Variants in ARPP19 observed in about 807,000 individuals in gnomAD.
The protein encoded by ARPP19 is cAMP regulated phosphoprotein 19.
A neutral mutation model predicts 12.0 loss-of-function variants in ARPP19; 8 were observed. The observed-to-expected ratio is 0.67, with a 90% confidence interval of 0.39 to 1.21. ARPP19 has a LOEUF of 1.21. Among genes scored for constraint, ARPP19 ranks in the 50% most tolerant of loss-of-function variants. The probability of loss-of-function intolerance (pLI) is 0.01; values close to 1 mark genes in which losing one functional copy is unlikely to be tolerated. For synonymous variants in ARPP19, 47 were observed against 50.4 expected, an observed-to-expected ratio of 0.93 and a Z score of 0.29; for missense variants, 102 against 136.3, an observed-to-expected ratio of 0.75 and a Z score of 1.25.
At chr15:52,555,532 T>C (rs1202405274) in intron 2 of ARPP19, among the ~76,000 whole-genome samples, 2 of 152,046 alleles carry the variant, frequency 1.3e-5, no homozygotes, top group African/African-American at 4.8e-5. Context: ...TATTTAATCA[T>C]TTCTCTGCTG....
chr15:52,560,820 AG>A (rs2078025372), intron 1 of ARPP19, among the ~76,000 whole-genome samples: 1 of 152,260 alleles, frequency 6.6e-6, no homozygotes, highest in Admixed American at 6.5e-5. Flanking sequence ...AACAGCAGAC[AG>A]CAGTCGCCCC....
At chr15:52,567,011 T>G (rs1044111474) in intron 1 of ARPP19, among the ~76,000 whole-genome samples, 1 of 152,202 alleles carries the variant, frequency 6.6e-6, no homozygotes, top group Non-Finnish European at 1.5e-5. Context: ...GGAAGGTCAA[T>G]TGGGTACACA....
At position 52,568,974 on chromosome 15, in the gene ARPP19, C is replaced by A. The variant is rs2078115621; in HGVS notation, c.-82G>T. On this transcript the variant is annotated 5_prime_UTR_variant, in exon 1 of 3. Coordinates refer to ENST00000249822, the MANE Select transcript of ARPP19 (RefSeq NM_006628.6). ...GCCACCCGGCCGCCGCCCGTCCCAG[C>A]TCTCCCAGGGCCCGCCGGGCCGCCT... The A allele has an allele frequency of 2.8e-6, 3 of 1,072,816 alleles. No homozygotes were observed. The highest frequency in any genetic ancestry group is 5.6e-5 in the Admixed American group (2 of 35,748). 66.5% of individuals were successfully genotyped at this position (1,072,816 alleles called of 1,614,324 possible).
intron 1 of ARPP19, among the ~76,000 whole-genome samples, chr15:52,566,308 G>GCCA (rs2078081603): frequency 6.6e-6 from 1 of 151,922 alleles, no homozygotes; most frequent in South Asian, 2.1e-4. Context: ...ATAGGTGTGG[G>GCCA]CCACCATGCC....
Position 52,552,102 on chromosome 15 carries a change from T to C in ARPP19, c.171A>G (p.Gln57=). Residue 57 remains glutamine, a splice_region_variant and synonymous_variant, in exon 3 of 3, where the codon CAA becomes CAG. Coordinates refer to ENST00000249822, the MANE Select transcript of ARPP19 (RefSeq NM_006628.6). The part of the protein sequence containing the change: ...DFLRKRLQKG[Q]KYFDSGDYNM... ...TGTAATCCCCAGAATCAAAATATTT[T>C]TGCTATAAGTAAAAACAAAAAAAAT... is the stretch of plus-strand genomic sequence containing the variant. 1 of 1,609,382 alleles carries C rather than the reference T, an allele frequency of 6.2e-7. No individual in the cohort carries two copies. The highest frequency in any genetic ancestry group is 8.5e-7 in the Non-Finnish European group (1 of 1,175,988).
intron 1 of ARPP19, among the ~76,000 whole-genome samples, chr15:52,560,040 C>T (rs1005809384): frequency 7.9e-5 from 12 of 152,156 alleles, no homozygotes; most frequent in East Asian, 5.8e-4. Context: ...AATAGTTCCC[C>T]GAATTCCTTA....
At position 52,568,926 on chromosome 15, in the gene ARPP19, G is replaced by C. The variant is rs1216879875; in HGVS notation, c.-34C>G. ...CTCTGCAGACGAGACGCCGGGAAAA[G>C]ATGCAATTAGCGGGTGGCCGAGGCC... On this transcript the variant is annotated 5_prime_UTR_variant, in exon 1 of 3. It adds an upstream start codon to the 5' untranslated region. Coordinates refer to ENST00000249822, the MANE Select transcript of ARPP19 (RefSeq NM_006628.6). The C allele has an allele frequency of 7.4e-7, 1 of 1,342,484 alleles. No homozygotes were observed. Among genetic ancestry groups the C allele is most frequent in the Non-Finnish European group, 1.0e-6 (1 of 984,046 alleles). The allele number at this position is 1,342,484 out of a possible 1,614,324, so 83.2% of individuals were successfully genotyped here. A position where few individuals can be genotyped will look rare whatever the true frequency, so the allele number is the denominator to read the frequency against.
chr15:52,564,117 C>A, intron 1 of ARPP19: 1 of 1,071,120 alleles, frequency 9.3e-7, no homozygotes, highest in Non-Finnish European at 1.4e-6. Flanking sequence ...AAAGAAGCAA[C>A]CCTAACAAAC....
intron 1 of ARPP19, among the ~76,000 whole-genome samples, chr15:52,562,992 C>T (rs1398476106): frequency 6.6e-6 from 1 of 150,936 alleles, no homozygotes; most frequent in Non-Finnish European, 1.5e-5. Context: ...TCTCCTGCCT[C>T]AGCCTCCCGA....
At chr15:52,552,278 C>T (rs1455372267) in intron 2 of ARPP19, among the ~76,000 whole-genome samples, 174 bp from the exon 3 acceptor site, 6 of 151,934 alleles carry the variant, frequency 3.9e-5, no homozygotes, top group African/African-American at 9.7e-5. Context: ...AGCCGAGAAG[C>T]CCCCCTTCAG....
At chr15:52,564,349 C>T (rs2078062259) in intron 1 of ARPP19, 6 of 779,012 alleles carry the variant, frequency 7.7e-6, no homozygotes, top group East Asian at 2.7e-5. Context: ...GAGTTCAAGG[C>T]GGCAATATGC....
chr15:52,563,087 G>A (rs1200615609), intron 1 of ARPP19, among the ~76,000 whole-genome samples: 9 of 151,884 alleles, frequency 5.9e-5, no homozygotes, highest in African/African-American at 2.2e-4. Context: ...TCTTGCCCAC[G>A]CTGGTCTTGA....
intron 2 of ARPP19, among the ~76,000 whole-genome samples, chr15:52,552,517 G>A (rs1467501879): frequency 6.6e-6 from 1 of 150,542 alleles, no homozygotes; most frequent in Non-Finnish European, 1.5e-5. Context: ...GAACCTGGGA[G>A]GTGGAGGCTG....
rs933295397 is a variant in ARPP19, at chr15:52,549,468, G to C, written c.*2466C>G. On this transcript the variant is annotated 3_prime_UTR_variant, in exon 3 of 3. Coordinates refer to ENST00000249822, the MANE Select transcript of ARPP19 (RefSeq NM_006628.6). Reference sequence around the variant, plus strand: ...CAGGTCTCTCCTAATGAAAAATCCTGAGATTTAAGCACTGTGACTTACAGA... The same window carrying C: ...CAGGTCTCTCCTAATGAAAAATCCTCAGATTTAAGCACTGTGACTTACAGA... 2 of 152,590 alleles carry C rather than the reference G, an allele frequency of 1.3e-5. No homozygotes were observed. The highest frequency in any genetic ancestry group is 4.8e-5 in the African/African-American group (2 of 41,428). 9.5% of individuals were successfully genotyped at this position (152,590 alleles called of 1,614,324 possible). A position where few individuals can be genotyped will look rare whatever the true frequency, so the allele number is the denominator to read the frequency against.
At position 52,549,813 on chromosome 15, in the gene ARPP19, A is replaced by T. The variant is rs1426725059; in HGVS notation, c.*2121T>A. On this transcript the variant is annotated 3_prime_UTR_variant, in exon 3 of 3. Transcript: ENST00000249822. ...TAGAAATTCTACTCTGGGTTATTTT[A>T]AACTTCTTAAATTGATTCTATAATG... 1 of 152,656 alleles carries T rather than the reference A, an allele frequency of 6.6e-6. No homozygotes were observed. The highest frequency in any genetic ancestry group is 1.5e-5 in the Non-Finnish European group (1 of 68,050). 9.5% of individuals were successfully genotyped at this position (152,656 alleles called of 1,614,324 possible). A position where few individuals can be genotyped will look rare whatever the true frequency, so the allele number is the denominator to read the frequency against.
intron 1 of ARPP19, among the ~76,000 whole-genome samples, chr15:52,562,904 G>A (rs2078048264): frequency 7.8e-6 from 1 of 127,750 alleles, no homozygotes; most frequent in Non-Finnish European, 1.6e-5. Context: ...GTCTCACTCT[G>A]TCGCCCAGGC....
At chr15:52,566,696 A>G (rs1428489366) in intron 1 of ARPP19, among the ~76,000 whole-genome samples, 1 of 151,734 alleles carries the variant, frequency 6.6e-6, no homozygotes, top group Non-Finnish European at 1.5e-5. Context: ...TCAGCCTCCC[A>G]AAGTGCCAGA....
At chr15:52,565,749 T>C (rs1285579816) in intron 1 of ARPP19, among the ~76,000 whole-genome samples, 1 of 152,234 alleles carries the variant, frequency 6.6e-6, no homozygotes, top group Non-Finnish European at 1.5e-5. Context: ...CTTTTAACAA[T>C]TGCTGCCATA....
intron 1 of ARPP19, among the ~76,000 whole-genome samples, chr15:52,566,327 T>G (rs1171764447): frequency 6.6e-6 from 1 of 152,026 alleles, no homozygotes; most frequent in African/African-American, 2.4e-5. Flanking sequence ...CCTGGCTAGT[T>G]TTTGTACTTT....
Sources: gnomAD v4.1 joint callset for allele counts (sites outside exome capture counted in the v4.1 genomes callset) on GRCh38, gnomAD v4.1.1 for gene constraint, MANE v1.5 for transcripts, NCBI Gene and HGNC (gene_info 2026-07-23, HGNC 2026-07-21) for gene names.